Variants in AFG2A observed in about 807,000 individuals in gnomAD.
The protein encoded by AFG2A is AAA ATPase AFG2A, also known as ATPase family gene 2 protein homolog A.
chr4:123,065,131 C>CT, the AFG2A span, among the ~76,000 whole-genome samples: 10 of 152,282 alleles, frequency 6.6e-5, no homozygotes, highest in African/African-American at 2.4e-4. Context: ...AGGTAGTTAA[C>CT]TAACCTTTCA....
At chr4:123,071,458 C>T in the AFG2A span, among the ~76,000 whole-genome samples, 2 of 142,144 alleles carry the variant, frequency 1.4e-5, no homozygotes, top group African/African-American at 5.3e-5. Flanking sequence ...CCAGCCTGGA[C>T]AACAAGAGCG....
the AFG2A span, among the ~76,000 whole-genome samples, chr4:123,298,112 T>TACACAC: frequency 4.4e-3 from 666 of 150,246 alleles, 2 homozygotes; most frequent in Non-Finnish European, 8.1e-3. Context: ...TGCATACACA[T>TACACAC]ACACACACAC....
the AFG2A span, among the ~76,000 whole-genome samples, chr4:123,159,798 G>A: frequency 3.4e-3 from 514 of 152,258 alleles, 1 homozygote; most frequent in African/African-American, 0.012. Context: ...TAATGTATCA[G>A]AATCAATCTT....
the AFG2A span, among the ~76,000 whole-genome samples, chr4:123,276,773 T>C: frequency 0.022 from 3,326 of 152,296 alleles, 65 homozygotes; most frequent in Non-Finnish European, 0.035. Flanking sequence ...GTTGACTTTG[T>C]CAAAACTCAG....
the AFG2A span, among the ~76,000 whole-genome samples, chr4:123,130,119 C>G: frequency 1.4e-4 from 22 of 152,114 alleles, no homozygotes; most frequent in Admixed American, 4.6e-4. Context: ...AACCATCCCC[C>G]ACCTCAGTCT....
At chr4:122,957,403 T>G in the AFG2A span, among the ~76,000 whole-genome samples, 2 of 152,224 alleles carry the variant, frequency 1.3e-5, no homozygotes, top group Non-Finnish European at 2.9e-5. Flanking sequence ...ATTAGTAGTG[T>G]GACTTAGAAA....
At chr4:123,204,913 T>C in the AFG2A span, among the ~76,000 whole-genome samples, 104,513 of 152,014 alleles carry the variant, frequency 0.69, 36,390 homozygotes, top group Non-Finnish European at 0.73. Flanking sequence ...AGTCAGTAGC[T>C]ATGTTGGGAG....
At chr4:123,169,368 A>G in the AFG2A span, among the ~76,000 whole-genome samples, 2 of 152,206 alleles carry the variant, frequency 1.3e-5, no homozygotes, top group Non-Finnish European at 2.9e-5. Context: ...CGGCATGCCT[A>G]TATTTTAAAC....
chr4:123,248,820 A>G, the AFG2A span, among the ~76,000 whole-genome samples: 1 of 152,204 alleles, frequency 6.6e-6, no homozygotes. Context: ...TTCAAAGAAC[A>G]TTAACATCTG....
chr4:123,031,530 T>C, the AFG2A span, among the ~76,000 whole-genome samples: 1 of 152,250 alleles, frequency 6.6e-6, no homozygotes, highest in Non-Finnish European at 1.5e-5. Context: ...TTTCAACCTA[T>C]ATATTTGTTT....
At chr4:123,212,100 G>T in the AFG2A span, among the ~76,000 whole-genome samples, 1 of 152,078 alleles carries the variant, frequency 6.6e-6, no homozygotes, top group African/African-American at 2.4e-5. Context: ...AAAATGGTGA[G>T]ATCAGGAAGG....
the AFG2A span, among the ~76,000 whole-genome samples, chr4:123,115,863 T>C: frequency 6.6e-6 from 1 of 152,204 alleles, no homozygotes. Flanking sequence ...TATACAGTGA[T>C]GGATGGACTA....
At chr4:122,949,176 G>A in the AFG2A span, among the ~76,000 whole-genome samples, 1 of 152,280 alleles carries the variant, frequency 6.6e-6, no homozygotes, top group East Asian at 1.9e-4. Context: ...CCCTTGTGGG[G>A]GCAGTTAAGA....
At chr4:123,301,358 C>G in the AFG2A span, among the ~76,000 whole-genome samples, 2 of 151,974 alleles carry the variant, frequency 1.3e-5, no homozygotes, top group Non-Finnish European at 2.9e-5. Flanking sequence ...ATAATGTGAG[C>G]TTCTAAATAA....
the AFG2A span, among the ~76,000 whole-genome samples, chr4:122,952,694 G>A: frequency 1.3e-5 from 2 of 152,162 alleles, no homozygotes; most frequent in Non-Finnish European, 2.9e-5. Context: ...TCACTGTAAT[G>A]GAAAATGTGT....
the AFG2A span, among the ~76,000 whole-genome samples, chr4:123,222,589 A>G: frequency 6.6e-6 from 1 of 152,186 alleles, no homozygotes; most frequent in Non-Finnish European, 1.5e-5. Context: ...AGTGTATAAT[A>G]CAGTATTACC....
At chr4:122,993,049 G>A in the AFG2A span, among the ~76,000 whole-genome samples, 237 of 151,098 alleles carry the variant, frequency 1.6e-3, 2 homozygotes, top group African/African-American at 5.4e-3. Flanking sequence ...GCAGCAGCAC[G>A]ATCTCAGCTT....
At chr4:123,142,447 G>A in the AFG2A span, among the ~76,000 whole-genome samples, 1 of 152,066 alleles carries the variant, frequency 6.6e-6, no homozygotes. Flanking sequence ...ATTTAATTTA[G>A]AAAGCATCAG....
chr4:123,242,318 A>C, the AFG2A span, among the ~76,000 whole-genome samples: 1 of 152,224 alleles, frequency 6.6e-6, no homozygotes, highest in Non-Finnish European at 1.5e-5. Context: ...ACTAAGCAAA[A>C]ACAACAAAGC....
Sources: gnomAD v4.1 joint callset for allele counts (sites outside exome capture counted in the v4.1 genomes callset) on GRCh38, gnomAD v4.1.1 for gene constraint, MANE v1.5 for transcripts, NCBI Gene and HGNC (gene_info 2026-07-23, HGNC 2026-07-21) for gene names.